Variants in TRNT1 observed in about 807,000 individuals in gnomAD.
TRNT1 encodes the protein CCA tRNA nucleotidyltransferase 1, mitochondrial.
A neutral mutation model predicts 45.6 loss-of-function variants in TRNT1; 44 were observed. The ratio of observed to expected loss-of-function variants is 0.97; its 90% CI spans 0.76 to 1.24. The LOEUF is 1.24. TRNT1 is among the 50% of genes most tolerant of loss of function. The probability of loss-of-function intolerance (pLI) is 0.00; values close to 1 mark genes in which losing one functional copy is unlikely to be tolerated. For missense variants in TRNT1, 633 were observed against 504.4 expected, an observed-to-expected ratio of 1.25 and a Z score of -2.44; for synonymous variants, 201 against 171.4, an observed-to-expected ratio of 1.17 and a Z score of -1.35.
Position 3,147,969 on chromosome 3 carries a change from CT to C in TRNT1, c.1121del (p.Leu374ProfsTer2). On this transcript the variant is annotated frameshift_variant, in exon 8 of 8. Coordinates refer to ENST00000251607, the MANE Select transcript of TRNT1 (RefSeq NM_182916.3). LOFTEE classifies it high-confidence loss of function. Reference sequence around the variant, plus strand: ...ACTGAAGTACCAAGGAGAGCACTGTCTCCTAAAGGAAATGCAGCAGTGGTCC... The same window carrying C: ...ACTGAAGTACCAAGGAGAGCACTGTCCCTAAAGGAAATGCAGCAGTGGTCC... ...ELLKYQGEHC[L>X]LKEMQQWSIP... 1 of 1,614,024 alleles carries C rather than the reference CT, an allele frequency of 6.2e-7. No individual in the cohort carries two copies. The highest frequency in any genetic ancestry group is 8.5e-7 in the Non-Finnish European group (1 of 1,179,908).
chr3:3,152,150 A>ATTT (rs66844241), downstream of TRNT1, among the ~76,000 whole-genome samples: 97,621 of 146,868 alleles, frequency 0.66, 34,201 homozygotes, highest in Middle Eastern at 0.81. Flanking sequence ...ATTTAAATAA[A>ATTT]TTTTTTTTTT....
rs1706265973 is a variant in TRNT1, at chr3:3,148,962, A to ATATTCTGTAAAGATT, written c.*814_*815insGTAAAGATTTATTCT. 2 of 136,620 alleles carry ATATTCTGTAAAGATT rather than the reference A, an allele frequency of 1.5e-5. No individual in the cohort carries two copies. Among genetic ancestry groups the ATATTCTGTAAAGATT allele is most frequent in the Non-Finnish European group, 1.6e-5 (1 of 64,370 alleles). 8.5% of individuals were successfully genotyped at this position (136,620 alleles called of 1,614,324 possible). ...ATTAAAAGGATATGGCTATTATTAT[A>ATATTCTGTAAAGATT]TATTCTCTAAAGATTTGAGTCCTAA... On this transcript the variant is annotated 3_prime_UTR_variant, in exon 8 of 8. Transcript: ENST00000251607.
chr3:3,146,402 A>C, intron 5 of TRNT1, 28 bp from the exon 6 acceptor site: 1 of 1,578,438 alleles, frequency 6.3e-7, no homozygotes, highest in Non-Finnish European at 8.6e-7. Flanking sequence ...ATATAGAGGT[A>C]ATACCCTGTG....
intron 2 of TRNT1, among the ~76,000 whole-genome samples, chr3:3,135,056 T>A (rs1339400818): frequency 6.6e-6 from 1 of 152,070 alleles, no homozygotes; most frequent in Non-Finnish European, 1.5e-5. Flanking sequence ...TAGAATAGAT[T>A]GCATGGTACG....
intron 5 of TRNT1, 123 bp downstream of exon 5, chr3:3,144,833 G>C: frequency 1.4e-5 from 14 of 977,008 alleles, no homozygotes; most frequent in Non-Finnish European, 1.7e-5. Context: ...TCTGTCTCCA[G>C]TGGAGACCTA....
downstream of TRNT1, chr3:3,152,382 C>G (rs1316784611): frequency 1.4e-6 from 2 of 1,471,752 alleles, no homozygotes; most frequent in Non-Finnish European, 1.9e-6. Flanking sequence ...GGCAACTCTG[C>G]TTAGGACTCT....
In TRNT1 at chr3:3,148,232, A is replaced by T; in HGVS notation, c.*78A>T. On this transcript the variant is annotated 3_prime_UTR_variant, in exon 8 of 8. Transcript: ENST00000251607. ...CCTCCCTCTTAATGAGGTTTTAGAG[A>T]CTACACCAGAATAAAAGACAGTTTA... The T allele has an allele frequency of 1.3e-6, 2 of 1,491,168 alleles. 1 individual carries two copies. Among genetic ancestry groups the T allele is most frequent in the East Asian group, 4.5e-5 (2 of 43,978 alleles). The allele number at this position is 1,491,168 out of a possible 1,614,324, so 92.4% of individuals were successfully genotyped here.
chr3:3,147,910 G>C lies in TRNT1; in HGVS notation c.1061G>C (p.Arg354Thr), dbSNP rs1234447304. 1 of 1,611,060 alleles carries C rather than the reference G, an allele frequency of 6.2e-7. No homozygotes were observed. Among genetic ancestry groups the C allele is most frequent in the African/African-American group, 1.3e-5 (1 of 74,836 alleles). Reference sequence around the variant, plus strand: ...ATGTTTGATTTTGACACGTAGTCTAGGGAACCTGATGCAACTACTCGTGTA... The same window carrying C: ...ATGTTTGATTTTGACACGTAGTCTACGGAACCTGATGCAACTACTCGTGTA... ...KPYQDFIIDSREPDATTRVCE... is the reference protein window; with the variant it reads ...KPYQDFIIDSTEPDATTRVCE... Residue 354 changes from arginine to threonine, a missense_variant, in exon 8 of 8, where the codon AGG becomes ACG. Physicochemically the swap from Arg to Thr is moderately conservative, Grantham distance 71. Coordinates refer to ENST00000251607, the MANE Select transcript of TRNT1 (RefSeq NM_182916.3).
Position 3,148,394 on chromosome 3 carries a change from C to T in TRNT1, c.*240C>T. ...TTTGGAATAGTTTCACCTGAGAAAA[C>T]ATAGTTGGCTATTATCTATCTTAAC... On this transcript the variant is annotated 3_prime_UTR_variant, in exon 8 of 8. Transcript: ENST00000251607. 2.5e-6 allele frequency: 1 copy of T among 405,222 alleles called. No homozygotes were observed. The highest frequency in any genetic ancestry group is 4.4e-6 in the Non-Finnish European group (1 of 227,144). 25.1% of individuals were successfully genotyped at this position (405,222 alleles called of 1,614,324 possible).
At chr3:3,143,160 CTG>C (rs1471538211) in intron 4 of TRNT1, among the ~76,000 whole-genome samples, 5 of 152,124 alleles carry the variant, frequency 3.3e-5, no homozygotes, top group Non-Finnish European at 7.3e-5. Flanking sequence ...TGAATGGTGT[CTG>C]TGTTTCGGCT....
At chr3:3,133,705 T>A (rs1705154446) in intron 2 of TRNT1, among the ~76,000 whole-genome samples, 1 of 152,142 alleles carries the variant, frequency 6.6e-6, no homozygotes. Context: ...GTGATAGCGC[T>A]CAGTGTTATG....
intron 3 of TRNT1, among the ~76,000 whole-genome samples, chr3:3,139,059 A>G (rs1451948805): frequency 6.6e-6 from 1 of 152,196 alleles, no homozygotes; most frequent in Non-Finnish European, 1.5e-5. Flanking sequence ...CAAGTAGGGA[A>G]AGGGATGAGG....
chr3:3,141,821 A>G (rs999083343), intron 4 of TRNT1, among the ~76,000 whole-genome samples: 1 of 152,234 alleles, frequency 6.6e-6, no homozygotes, highest in Non-Finnish European at 1.5e-5. Context: ...CTAAGGTGGC[A>G]TCTCTTGCTG....
intron 6 of TRNT1, 124 bp from the exon 7 acceptor site, chr3:3,147,326 T>C: frequency 9.2e-7 from 1 of 1,086,930 alleles, no homozygotes; most frequent in Non-Finnish European, 1.3e-6. Context: ...AACATCAGAC[T>C]GAACCTATAT....
Position 3,129,054 on chromosome 3 carries a change from T to A in TRNT1, c.14T>A (p.Leu5Gln). ...CTGCCTCTCCAGATGCTGAGGTGCCTGTATCATTGGCACAGGCCAGTGCTG... is the reference window on the plus strand; with the variant it reads ...CTGCCTCTCCAGATGCTGAGGTGCCAGTATCATTGGCACAGGCCAGTGCTG... MLRC[L>Q]YHWHRPVLNR... The change falls in exon 2 of 8, where the codon CTG (leucine) becomes CAG (glutamine). Residue 5 changes from leucine to glutamine, a missense_variant. By Grantham distance (113) the Leu-to-Gln change is moderately radical. Coordinates refer to ENST00000251607, the MANE Select transcript of TRNT1 (RefSeq NM_182916.3). 1.2e-6 allele frequency: 2 copies of A among 1,611,022 alleles called. No homozygotes were observed. The highest frequency in any genetic ancestry group is 1.1e-5 in the South Asian group (1 of 90,770).
intron 2 of TRNT1, 28 bp from the exon 3 acceptor site, chr3:3,137,232 A>G: frequency 6.5e-7 from 1 of 1,541,472 alleles, no homozygotes; most frequent in Non-Finnish European, 8.7e-7. Flanking sequence ...GAACTTGGGA[A>G]TAAAAATCTT....
At chr3:3,128,246 G>A (rs1367584059) in intron 1 of TRNT1, among the ~76,000 whole-genome samples, 2 of 152,042 alleles carry the variant, frequency 1.3e-5, no homozygotes, top group Non-Finnish European at 2.9e-5. Context: ...GTGGAGGCCT[G>A]GGGAGTTTCC....
chr3:3,150,894 T>A, downstream of TRNT1: 1 of 1,613,954 alleles, frequency 6.2e-7, no homozygotes, highest in Non-Finnish European at 8.5e-7. Flanking sequence ...TTGTCTGGAC[T>A]TATTTCATCT....
rs1706037995 is a variant in TRNT1 at position 3,146,611 on chromosome 3, G to T, written c.790G>T (p.Ala264Ser). 6.2e-7 allele frequency: 1 copy of T among 1,610,352 alleles called. No homozygotes were observed. The highest frequency in any genetic ancestry group is 2.2e-5 in the East Asian group (1 of 44,738). ...TCACCTTATCTATGATCTTGATGTG[G>T]CTCCTTATATAGGTGAGAGCAAGTT... ...LIHLIYDLDV[A>S]PYIGLPANAS... The change falls in exon 6 of 8, where the codon GCT becomes TCT. Residue 264 changes from alanine to serine, a missense_variant. By Grantham distance (99) the Ala-to-Ser change is moderately conservative (BLOSUM62 1). Coordinates refer to ENST00000251607, the MANE Select transcript of TRNT1 (RefSeq NM_182916.3).
Sources: gnomAD v4.1 joint callset for allele counts (sites outside exome capture counted in the v4.1 genomes callset) on GRCh38, gnomAD v4.1.1 for gene constraint, MANE v1.5 for transcripts, NCBI Gene and HGNC (gene_info 2026-07-23, HGNC 2026-07-21) for gene names.